RABL2B: variants seen among roughly 807,000 people sequenced by gnomAD.
RABL2B encodes the protein rab-like protein 2B.
RABL2B carries 17 observed loss-of-function variants against 26.7 expected under a neutral mutation model. The observed-to-expected ratio is 0.64, with a 90% CI of 0.44 to 0.95. RABL2B has a LOEUF of 0.95. Among genes scored for constraint, RABL2B ranks in the 40% least tolerant of loss-of-function variants. The pLI, the probability that RABL2B is intolerant of heterozygous loss-of-function variation, is 0.00. For missense variants in RABL2B, 170 were observed against 277.2 expected (o/e 0.61, Z 2.75); for synonymous variants, 70 against 103.9 (o/e 0.67, Z 1.99).
chr22:50,777,294 T>A (rs1432837920), intron 3 of RABL2B, among the ~76,000 whole-genome samples: 2 of 151,928 alleles, frequency 1.3e-5, no homozygotes, highest in Non-Finnish European at 2.9e-5. Context: ...CAGAGCCAAA[T>A]GACGCAGGTG....
intron 3 of RABL2B, chr22:50,777,670 T>C (rs1265981494): frequency 1.9e-6 from 1 of 527,310 alleles, no homozygotes; most frequent in Non-Finnish European, 3.4e-6. Flanking sequence ...GAGGTGGGGT[T>C]TGAATCCAGG....
chr22:50,780,225 T>C (rs537682417), intron 2 of RABL2B, among the ~76,000 whole-genome samples: 1 of 147,156 alleles, frequency 6.8e-6, no homozygotes, highest in South Asian at 2.1e-4. Flanking sequence ...AGCATGAACA[T>C]GCTGCATGAG....
chr22:50,774,174 C>T (rs1449060705), intron 5 of RABL2B, among the ~76,000 whole-genome samples: 2 of 152,220 alleles, frequency 1.3e-5, no homozygotes, highest in Non-Finnish European at 2.9e-5. Context: ...GGATTACAGG[C>T]GTGAGCCACC....
At chr22:50,781,450 C>T (rs2085871009) in intron 2 of RABL2B, among the ~76,000 whole-genome samples, 1 of 148,362 alleles carries the variant, frequency 6.7e-6, no homozygotes, top group Non-Finnish European at 1.5e-5. Context: ...ATGGAGATGG[C>T]CTAAAAACCA....
intron 2 of RABL2B, 100 bp from the exon 3 acceptor site, chr22:50,778,081 C>G: frequency 5.2e-6 from 8 of 1,542,004 alleles, no homozygotes; most frequent in Non-Finnish European, 6.3e-6. Context: ...CCACCTGTGG[C>G]TTCCCTTCCC....
chr22:50,772,752 G>C (rs767769408), intron 5 of RABL2B: 105 of 1,085,646 alleles, frequency 9.7e-5, no homozygotes, highest in African/African-American at 1.1e-4. Context: ...TATAAAGGAT[G>C]TCTGTAACTA....
At chr22:50,778,092 C>A in intron 2 of RABL2B, 111 bp from the exon 3 acceptor site, 2 of 1,403,918 alleles carry the variant, frequency 1.4e-6, no homozygotes, top group South Asian at 2.3e-5. Flanking sequence ...TTCCCTTCCC[C>A]CTTTCACTCC....
intron 6 of RABL2B, 161 bp from the exon 7 acceptor site, chr22:50,769,713 G>A: frequency 8.0e-7 from 1 of 1,243,010 alleles, no homozygotes; most frequent in Non-Finnish European, 1.1e-6. Flanking sequence ...CTGTGTCTTG[G>A]AAAGAGGGCA....
At chr22:50,774,505 A>AAT in intron 5 of RABL2B, among the ~76,000 whole-genome samples, 1 of 141,272 alleles carries the variant, frequency 7.1e-6, no homozygotes, top group African/African-American at 2.8e-5. Flanking sequence ...GCCAAGTACC[A>AAT]GTGTGTGTGT....
chr22:50,770,325 G>A (rs1458023410), intron 5 of RABL2B: 2 of 347,830 alleles, frequency 5.7e-6, no homozygotes, highest in African/African-American at 4.2e-5. Context: ...AGACCAGCCT[G>A]GCCAACATGG....
chr22:50,773,933 C>T lies in RABL2B; in HGVS notation c.297+1839G>A, dbSNP rs1555921100. ...TTTTTGAGACGGAGTCTCGCTCTGT[C>T]GCCGAGGCTGGAGTGCAGTGGCGTG... On this transcript the variant is annotated intron_variant, in intron 5 of 8. Coordinates refer to ENST00000691320, the MANE Select transcript of RABL2B (RefSeq NM_001130919.3). 2.0e-5 allele frequency among the ~76,000 whole-genome samples: 3 copies of T among 152,038 alleles called. No individual in the cohort carries two copies. In the South Asian group the frequency reaches 6.2e-4, roughly 32 times the overall value.
In RABL2B at chr22:50,775,845, C is replaced by T; in HGVS notation, c.224G>A (p.Trp75Ter). 2 of 1,614,172 alleles carry T rather than the reference C, an allele frequency of 1.2e-6. No homozygotes were observed. The highest frequency in any genetic ancestry group is 1.7e-6 in the Non-Finnish European group (2 of 1,180,036). ...VDGRTILVDF[W>*]DTAGQERFQS... ...GAACCGCTCCTGGCCTGCCGTGTCC[C>T]AAAAGTCTGCAATGTGAACACAGAC... The change falls in exon 5 of 9, where the codon TGG (tryptophan) becomes TAG (stop). Residue 75 changes from tryptophan (W) to a stop codon, truncating the protein, a stop_gained. Transcript: ENST00000691320. LOFTEE classifies it high-confidence loss of function.
intron 5 of RABL2B, chr22:50,772,309 A>T: frequency 1.0e-6 from 1 of 984,580 alleles, no homozygotes; most frequent in Non-Finnish European, 1.2e-6. Flanking sequence ...GATTAAAGGC[A>T]TGAGTCACCG....
At chr22:50,772,949 C>G in intron 5 of RABL2B, 1 of 1,260,002 alleles carries the variant, frequency 7.9e-7, no homozygotes, top group Non-Finnish European at 1.0e-6. Context: ...CCCGTGTGGT[C>G]AGAAGGCAAG....
At chr22:50,771,575 C>G (rs1242724004) in intron 5 of RABL2B, 1 of 151,924 alleles carries the variant, frequency 6.6e-6, no homozygotes. Context: ...CTGCACCTGG[C>G]TGATTTACTT....
chr22:50,781,854 C>T (rs1268131026), intron 2 of RABL2B, among the ~76,000 whole-genome samples: 121 of 150,348 alleles, frequency 8.0e-4, no homozygotes, highest in Middle Eastern at 6.9e-3. Context: ...CAATCTGTCA[C>T]GGTGGCATAG....
chr22:50,774,965 G>A (rs1456959143), intron 5 of RABL2B, among the ~76,000 whole-genome samples: 1 of 152,166 alleles, frequency 6.6e-6, no homozygotes, highest in African/African-American at 2.4e-5. Context: ...TTTTAGTAGA[G>A]ACGGGATTTC....
chr22:50,776,638 G>A (rs1349619061), intron 4 of RABL2B, 32 bp downstream of exon 4: 1 of 1,583,012 alleles, frequency 6.3e-7, no homozygotes, highest in Admixed American at 1.8e-5. Context: ...TCTTTCCTGA[G>A]GGTCAGCATG....
In RABL2B at chr22:50,770,118, G is replaced by A. The variant is rs552196879; in HGVS notation, c.298-102C>T. ...CCAAGCAGGTAAGCACGAGCACATG[G>A]TGCTGTTTGTGGGAACGCTCTGAAT... On this transcript the variant is annotated intron_variant, in intron 5 of 8. Transcript: ENST00000691320. 5.9e-4 allele frequency: 936 copies of A among 1,582,828 alleles called. 14 individuals are homozygous for A. In the South Asian group the frequency reaches 0.01, roughly 17 times the overall value.
Sources: gnomAD v4.1 joint callset for allele counts (sites outside exome capture counted in the v4.1 genomes callset) on GRCh38, gnomAD v4.1.1 for gene constraint, MANE v1.5 for transcripts, NCBI Gene and HGNC (gene_info 2026-07-23, HGNC 2026-07-21) for gene names.